Variants in SLC25A21 observed in about 807,000 individuals in gnomAD.
SLC25A21 encodes solute carrier family 25 member 21, also known as mitochondrial 2-oxodicarboxylate carrier.
A neutral mutation model predicts 43.8 loss-of-function variants in SLC25A21; 47 were observed. The observed-to-expected ratio is 1.07, with a 90% CI of 0.85 to 1.37. SLC25A21 has a LOEUF of 1.37. SLC25A21 is among the 40% of genes most tolerant of loss of function. SLC25A21 has a pLI of 0.00. For missense variants in SLC25A21, 352 were observed against 350.2 expected, an observed-to-expected ratio of 1.00 and a Z score of -0.04; for synonymous variants, 131 against 121.3, an observed-to-expected ratio of 1.08 and a Z score of -0.52.
chr14:36,714,962 A>G (rs568514326), intron 6 of SLC25A21, among the ~76,000 whole-genome samples: 1 of 152,340 alleles, frequency 6.6e-6, no homozygotes, highest in African/African-American at 2.4e-5. Flanking sequence ...GGCAGCTGGT[A>G]TATCTCATTT....
intron 3 of SLC25A21, among the ~76,000 whole-genome samples, chr14:36,795,343 G>A (rs1887637362): frequency 6.6e-6 from 1 of 152,154 alleles, no homozygotes; most frequent in African/African-American, 2.4e-5. Context: ...ATGTTGCTCA[G>A]GGCAGAGGTT....
intron 2 of SLC25A21, among the ~76,000 whole-genome samples, chr14:36,873,585 C>T (rs531081955): frequency 2.2e-3 from 342 of 152,236 alleles, no homozygotes; most frequent in African/African-American, 7.9e-3. Context: ...CGTGAGCCAC[C>T]GCGCAGGGCC....
At chr14:36,682,898 A>C (rs1882346023) in intron 9 of SLC25A21, among the ~76,000 whole-genome samples, 1 of 152,166 alleles carries the variant, frequency 6.6e-6, no homozygotes. Context: ...CTTGTTCTCT[A>C]TCTTAGATTA....
At chr14:36,760,466 A>C (rs1440832221) in intron 3 of SLC25A21, among the ~76,000 whole-genome samples, 1 of 152,144 alleles carries the variant, frequency 6.6e-6, no homozygotes, top group Non-Finnish European at 1.5e-5. Flanking sequence ...GTAGGCAAGG[A>C]GAAGCTTGGT....
At chr14:37,015,040 T>C (rs931617944) in intron 1 of SLC25A21, among the ~76,000 whole-genome samples, 5 of 148,574 alleles carry the variant, frequency 3.4e-5, no homozygotes, top group Admixed American at 1.3e-4. Flanking sequence ...GCATAATTCT[T>C]TATTATTATT....
Position 36,734,539 on chromosome 14 carries a change from T to G in SLC25A21, c.238A>C (p.Ile80Leu), listed in dbSNP as rs745903683. The change falls in exon 4 of 10, where the codon ATC (isoleucine) becomes CTC (leucine). Residue 80 changes from isoleucine (I) to leucine (L), a missense_variant. Physicochemically the swap from Ile to Leu is conservative, Grantham distance 5 (BLOSUM62 2). Transcript: ENST00000331299. Reference sequence around the variant, plus strand: ...GCTCTTTTTGGGGTTTCAGCCAAGATAGGTGGCAGAATTCCCTTGTAAAAA... The same window carrying G: ...GCTCTTTTTGGGGTTTCAGCCAAGAGAGGTGGCAGAATTCCCTTGTAAAAA... Reference protein sequence around the residue: ...FGFYKGILPPILAETPKRAVK... With the variant: ...FGFYKGILPPLLAETPKRAVK... The G allele has an allele frequency of 6.2e-7, 1 of 1,608,310 alleles. No homozygotes were observed. The highest frequency in any genetic ancestry group is 1.7e-5 in the Admixed American group (1 of 59,616).
intron 6 of SLC25A21, among the ~76,000 whole-genome samples, chr14:36,717,688 C>G (rs1347119745): frequency 6.6e-6 from 1 of 152,238 alleles, no homozygotes; most frequent in East Asian, 1.9e-4. Context: ...GTCTCATAAA[C>G]ACTTTCTTTT....
chr14:36,946,334 T>C (rs992187536), intron 1 of SLC25A21, among the ~76,000 whole-genome samples: 3 of 152,270 alleles, frequency 2.0e-5, no homozygotes, highest in Non-Finnish European at 4.4e-5. Context: ...TGTCTGTATT[T>C]AGTATCCAGT....
At chr14:36,813,826 C>G in intron 3 of SLC25A21, 92 bp downstream of exon 3, 1 of 883,058 alleles carries the variant, frequency 1.1e-6, no homozygotes, top group Non-Finnish European at 1.8e-6. Flanking sequence ...AAGTATTTTG[C>G]CCCTAGTAAG....
At chr14:37,005,121 C>T (rs933216265) in intron 1 of SLC25A21, among the ~76,000 whole-genome samples, 1 of 152,002 alleles carries the variant, frequency 6.6e-6, no homozygotes, top group African/African-American at 2.4e-5. Flanking sequence ...AGAAAGTTAC[C>T]TTCCAAATTA....
chr14:37,048,019 T>C (rs1347534880), intron 1 of SLC25A21, among the ~76,000 whole-genome samples: 9 of 152,188 alleles, frequency 5.9e-5, no homozygotes, highest in African/African-American at 2.2e-4. Flanking sequence ...ATCACAGCTA[T>C]CCAAAGAATG....
intron 3 of SLC25A21, among the ~76,000 whole-genome samples, chr14:36,807,360 G>T (rs1276458810): frequency 6.6e-6 from 1 of 152,198 alleles, no homozygotes. Flanking sequence ...CAGGAGAGTT[G>T]AGAGGGGAGA....
At chr14:36,773,122 G>A (rs1886685183) in intron 3 of SLC25A21, among the ~76,000 whole-genome samples, 1 of 151,950 alleles carries the variant, frequency 6.6e-6, no homozygotes, top group Middle Eastern at 3.4e-3. Flanking sequence ...AGGATTTCAT[G>A]TTCTTTCAAA....
At chr14:36,829,761 A>G (rs950499477) in intron 2 of SLC25A21, among the ~76,000 whole-genome samples, 3 of 152,212 alleles carry the variant, frequency 2.0e-5, no homozygotes, top group Non-Finnish European at 4.4e-5. Context: ...ACGTGCTACC[A>G]AGCCCAACCC....
intron 1 of SLC25A21, among the ~76,000 whole-genome samples, chr14:37,068,169 G>A (rs1363672535): frequency 6.6e-6 from 1 of 152,168 alleles, no homozygotes; most frequent in Non-Finnish European, 1.5e-5. Flanking sequence ...CATCATACCG[G>A]GAATAAGGAG....
chr14:36,743,226 A>G (rs1181207266), intron 3 of SLC25A21, among the ~76,000 whole-genome samples: 1 of 152,186 alleles, frequency 6.6e-6, no homozygotes, highest in East Asian at 1.9e-4. Context: ...AAAGAGGTGA[A>G]TAGTATTGGT....
intron 6 of SLC25A21, among the ~76,000 whole-genome samples, chr14:36,722,268 G>T (rs1420346865): frequency 1.3e-5 from 2 of 152,148 alleles, no homozygotes; most frequent in Non-Finnish European, 2.9e-5. Flanking sequence ...GGTTGCCAGG[G>T]ATTAAGTGGG....
intron 1 of SLC25A21, among the ~76,000 whole-genome samples, chr14:36,986,597 T>C (rs1248475538): frequency 6.6e-6 from 1 of 152,156 alleles, no homozygotes; most frequent in African/African-American, 2.4e-5. Context: ...ACAGAGGATC[T>C]TAGTTAATCC....
chr14:36,772,332 T>C (rs1230904157), intron 3 of SLC25A21, among the ~76,000 whole-genome samples: 2 of 152,146 alleles, frequency 1.3e-5, no homozygotes, highest in Non-Finnish European at 2.9e-5. Context: ...TCCTGAGACA[T>C]AAAAAAATCT....
Sources: allele counts gnomAD v4.1 joint callset (sites outside exome capture counted in the v4.1 genomes callset), GRCh38; gene constraint gnomAD v4.1.1; transcripts MANE v1.5; gene names NCBI Gene and HGNC (gene_info 2026-07-23, HGNC 2026-07-21).